Variants in CCSER1 observed in about 807,000 individuals in gnomAD.
CCSER1 encodes coiled-coil serine rich protein 1.
Under a neutral mutation model 82.0 loss-of-function variants are expected in CCSER1, and 41 were observed. The observed-to-expected ratio is 0.50, with a 90% CI of 0.39 to 0.65. CCSER1 has a LOEUF of 0.65. CCSER1 is among the 30% of genes least tolerant of loss of function. The pLI is 0.00. For missense variants in CCSER1, 1,119 were observed against 1,064.2 expected, an observed-to-expected ratio of 1.05 and a Z score of -0.72; for synonymous variants, 414 against 383.9, an observed-to-expected ratio of 1.08 and a Z score of -0.92.
intron 5 of CCSER1, among the ~76,000 whole-genome samples, chr4:90,551,260 A>G (rs1400477230): frequency 1.3e-5 from 2 of 152,144 alleles, no homozygotes; most frequent in Admixed American, 6.6e-5. Context: ...TCTTAGTGTA[A>G]AGTCCAAATC....
At chr4:91,519,881 T>C (rs913866751) in intron 10 of CCSER1, among the ~76,000 whole-genome samples, 1 of 152,194 alleles carries the variant, frequency 6.6e-6, no homozygotes, top group African/African-American at 2.4e-5. Context: ...CACCTCCTTT[T>C]CTGTCTCTGA....
At chr4:90,354,413 C>T (rs1448939503) in intron 3 of CCSER1, among the ~76,000 whole-genome samples, 1 of 152,016 alleles carries the variant, frequency 6.6e-6, no homozygotes, top group African/African-American at 2.4e-5. Flanking sequence ...TAATGTACAG[C>T]ATGGTGACAG....
At chr4:90,634,457 C>T (rs534579027) in intron 6 of CCSER1, among the ~76,000 whole-genome samples, 9 of 151,406 alleles carry the variant, frequency 5.9e-5, no homozygotes, top group East Asian at 5.8e-4. Flanking sequence ...TTTTTTTCAG[C>T]GTAATTTGCA....
At chr4:90,521,223 T>G (rs1773085212) in intron 5 of CCSER1, among the ~76,000 whole-genome samples, 1 of 152,092 alleles carries the variant, frequency 6.6e-6, no homozygotes, top group South Asian at 2.1e-4. Context: ...CATATGCCAA[T>G]AACAGACTTA....
intron 5 of CCSER1, among the ~76,000 whole-genome samples, chr4:90,536,429 A>G (rs983273562): frequency 6.6e-6 from 1 of 152,320 alleles, no homozygotes; most frequent in East Asian, 1.9e-4. Flanking sequence ...GATTAAGTGT[A>G]TATACTGTAA....
At chr4:90,963,757 A>G (rs954182844) in intron 9 of CCSER1, among the ~76,000 whole-genome samples, 1 of 152,212 alleles carries the variant, frequency 6.6e-6, no homozygotes, top group African/African-American at 2.4e-5. Flanking sequence ...AGTTTCTCAC[A>G]TGGCATTTAA....
chr4:91,335,898 C>T (rs535847431), intron 10 of CCSER1, among the ~76,000 whole-genome samples: 12 of 152,116 alleles, frequency 7.9e-5, no homozygotes, highest in Non-Finnish European at 8.8e-5. Flanking sequence ...TATACATTTA[C>T]GTTTTAACAA....
rs1165358907 is a variant in CCSER1, at chr4:91,442,783, AC to A, written c.2218-155788del. ...ACTCAAACAAATTTACAAGAAAAAA[AC>A]AAACAACCCCATCAAAAAGTGGGCA... On this transcript the variant is annotated intron_variant, in intron 10 of 10. Transcript: ENST00000509176. Among the ~76,000 whole-genome samples the A allele has an allele frequency of 1.6e-4, 24 of 149,536 alleles. No individual in the cohort carries two copies. The East Asian group carries it at 4.4e-3, about 27-fold the overall frequency.
chr4:91,522,128 T>TAA (rs1453564955), intron 10 of CCSER1, among the ~76,000 whole-genome samples: 2 of 151,894 alleles, frequency 1.3e-5, no homozygotes, highest in Non-Finnish European at 3.0e-5. Context: ...CACCATTTAT[T>TAA]ATAGGGAATC....
chr4:91,526,102 G>A (rs1760750293), intron 10 of CCSER1, among the ~76,000 whole-genome samples: 1 of 152,042 alleles, frequency 6.6e-6, no homozygotes, highest in Non-Finnish European at 1.5e-5. Flanking sequence ...CCAAATCCAG[G>A]AGATAATCAA....
At chr4:90,234,583 A>G (rs1745405051) in intron 1 of CCSER1, among the ~76,000 whole-genome samples, 1 of 152,118 alleles carries the variant, frequency 6.6e-6, no homozygotes, top group South Asian at 2.1e-4. Flanking sequence ...ACCTGGTGGG[A>G]AGAAATAGGC....
chr4:90,850,979 C>T (rs1316425394), intron 8 of CCSER1, among the ~76,000 whole-genome samples: 2 of 152,226 alleles, frequency 1.3e-5, no homozygotes, highest in East Asian at 1.9e-4. Context: ...GAATCATGGA[C>T]GCAGTTTCCC....
At chr4:90,232,098 T>C (rs1744697476) in intron 1 of CCSER1, among the ~76,000 whole-genome samples, 1 of 152,204 alleles carries the variant, frequency 6.6e-6, no homozygotes, top group South Asian at 2.1e-4. Flanking sequence ...CCACTGACTT[T>C]CTTCACAGAA....
At chr4:91,108,596 A>G (rs1725837365) in intron 10 of CCSER1, among the ~76,000 whole-genome samples, 1 of 152,196 alleles carries the variant, frequency 6.6e-6, no homozygotes, top group African/African-American at 2.4e-5. Flanking sequence ...TATAGTACTT[A>G]AAAAATTTAA....
At chr4:91,396,055 C>T (rs1409533883) in intron 10 of CCSER1, among the ~76,000 whole-genome samples, 2 of 152,102 alleles carry the variant, frequency 1.3e-5, no homozygotes, top group Non-Finnish European at 2.9e-5. Flanking sequence ...AGCAATTCAG[C>T]CATTGAGCCT....
At chr4:90,609,832 A>C (rs906230581) in intron 5 of CCSER1, among the ~76,000 whole-genome samples, 1 of 152,198 alleles carries the variant, frequency 6.6e-6, no homozygotes, top group Non-Finnish European at 1.5e-5. Context: ...AGAGTCATTG[A>C]CCTTAAAATA....
chr4:91,348,489 G>A (rs921259413), intron 10 of CCSER1, among the ~76,000 whole-genome samples: 5 of 152,166 alleles, frequency 3.3e-5, no homozygotes, highest in African/African-American at 7.2e-5. Flanking sequence ...TGGCCTAGAA[G>A]AATGAGTTAG....
intron 10 of CCSER1, among the ~76,000 whole-genome samples, chr4:91,352,546 A>G (rs1399043442): frequency 1.3e-5 from 2 of 152,198 alleles, no homozygotes; most frequent in Admixed American, 6.5e-5. Flanking sequence ...GCCCGGCAGG[A>G]AGATTTATTT....
chr4:90,420,789 T>G (rs1182584147), intron 4 of CCSER1, among the ~76,000 whole-genome samples: 1 of 152,126 alleles, frequency 6.6e-6, no homozygotes, highest in Non-Finnish European at 1.5e-5. Flanking sequence ...ATAAACTCTC[T>G]TCTGCTGCAC....
Sources: allele counts gnomAD v4.1 joint callset (sites outside exome capture counted in the v4.1 genomes callset), GRCh38; gene constraint gnomAD v4.1.1; transcripts MANE v1.5; gene names NCBI Gene and HGNC (gene_info 2026-07-23, HGNC 2026-07-21).